The following SPECC1L variants were observed in gnomAD, a reference collection of about 807,000 sequenced individuals.
The protein encoded by SPECC1L is sperm antigen with calponin homology and coiled-coil domains 1 like, also known as cytospin-A.
SPECC1L carries 40 observed loss-of-function variants against 116.8 expected under a neutral mutation model. That is an observed-to-expected ratio of 0.34 (90% CI 0.27 to 0.45). SPECC1L has a LOEUF of 0.45. SPECC1L is among the 20% of genes least tolerant of loss of function. SPECC1L has a pLI of 1.00. For synonymous variants in SPECC1L, 504 were observed against 500.6 expected (o/e 1.01, Z -0.09); for missense variants, 1,110 against 1,373.6 (o/e 0.81, Z 3.03).
At position 24,364,109 on chromosome 22, in the gene SPECC1L, A is replaced by G. The variant is rs532119302; in HGVS notation, c.2827+765A>G. 3.9e-5 allele frequency among the ~76,000 whole-genome samples: 6 copies of G among 152,222 alleles called. No homozygotes were observed. The East Asian group carries it at 5.8e-4, about 15-fold the overall frequency. Reference sequence around the variant, plus strand: ...AACTTTGTCGACTATGTGACTTGTCACTGTGCTCAGCCCTGCGTTCTGATT... The same window carrying G: ...AACTTTGTCGACTATGTGACTTGTCGCTGTGCTCAGCCCTGCGTTCTGATT... On this transcript the variant is annotated intron_variant, in intron 12 of 16. Transcript: ENST00000314328.
intron 14 of SPECC1L, among the ~76,000 whole-genome samples, chr22:24,403,871 T>A (rs1193545931): frequency 6.6e-6 from 1 of 152,206 alleles, no homozygotes; most frequent in Non-Finnish European, 1.5e-5. Context: ...TCCCAGCTAC[T>A]TGAGCAGCTG....
chr22:24,408,522 G>T (rs1368763645), intron 14 of SPECC1L, among the ~76,000 whole-genome samples: 1 of 152,248 alleles, frequency 6.6e-6, no homozygotes, highest in Non-Finnish European at 1.5e-5. Flanking sequence ...GATGCCTGGT[G>T]GCACACATTT....
Position 24,302,278 on chromosome 22 carries a change from C to T in SPECC1L, c.47C>T (p.Ala16Val), listed in dbSNP as rs2049396958. 5.0e-6 allele frequency: 8 copies of T among 1,613,990 alleles called. No individual in the cohort carries two copies. The highest frequency in any genetic ancestry group is 1.1e-5 in the South Asian group (1 of 91,080). The change falls in exon 3 of 17, where the codon GCA becomes GTA. Residue 16 changes from alanine (A) to valine (V), a missense_variant. Transcript: ENST00000314328. ...GTTGGCTCAGTGCCTAAAGTGTCTG[C>T]AATAAGTAAAACGCAAACAGCAGAA... ...RSVGSVPKVS[A>V]ISKTQTAEKI...
chr22:24,345,371 G>T (rs566216232), intron 10 of SPECC1L, among the ~76,000 whole-genome samples: 1 of 152,210 alleles, frequency 6.6e-6, no homozygotes, highest in East Asian at 1.9e-4. Context: ...GAACATGAGA[G>T]AAAATCTTCA....
In SPECC1L at chr22:24,302,280, A is replaced by C. The variant is rs973517651; in HGVS notation, c.49A>C (p.Ile17Leu). 8 of 1,614,112 alleles carry C rather than the reference A, an allele frequency of 5.0e-6. No homozygotes were observed. Among genetic ancestry groups the C allele is most frequent in the Non-Finnish European group, 2.5e-6 (3 of 1,180,050 alleles). ...SVGSVPKVSA[I>L]SKTQTAEKIK... ...TGGCTCAGTGCCTAAAGTGTCTGCA[A>C]TAAGTAAAACGCAAACAGCAGAAAA... The change falls in exon 3 of 17, where the codon ATA becomes CTA. Residue 17 changes from isoleucine (I) to leucine (L), a missense_variant. Around this residue, in one of 4 missense-constraint regions of SPECC1L, gnomAD observed 437 missense variants for 482.6 expected, o/e 0.91. Coordinates refer to ENST00000314328, the MANE Select transcript of SPECC1L (RefSeq NM_015330.6).
chr22:24,293,279 C>T (rs1417106940), intron 2 of SPECC1L, among the ~76,000 whole-genome samples: 4 of 152,054 alleles, frequency 2.6e-5, no homozygotes, highest in Non-Finnish European at 5.9e-5. Context: ...CATAGTTAAA[C>T]CCGTCTCTAC....
intron 2 of SPECC1L, among the ~76,000 whole-genome samples, chr22:24,293,100 G>A (rs1447717694): frequency 1.3e-5 from 2 of 151,988 alleles, no homozygotes; most frequent in African/African-American, 4.8e-5. Context: ...GGAAAGAAGT[G>A]GGATGTTGCT....
intron 1 of SPECC1L, among the ~76,000 whole-genome samples, chr22:24,272,799 T>G (rs1034884841): frequency 3.3e-5 from 5 of 152,164 alleles, no homozygotes; most frequent in Non-Finnish European, 7.3e-5. Flanking sequence ...TAATCCAGTA[T>G]TTTTTTCCTC....
intron 14 of SPECC1L, among the ~76,000 whole-genome samples, chr22:24,383,792 ATTTTTTTTTTTTTTTTTTTTTTT>A (rs538972717): frequency 4.8e-4 from 37 of 77,338 alleles, no homozygotes; most frequent in South Asian, 2.8e-3. Context: ...ACCCACCACT[ATTTTTTTTTTTTTTTTTTTTTTT>A]TTTTTTTTTT....
intron 2 of SPECC1L, among the ~76,000 whole-genome samples, chr22:24,294,663 A>G (rs1241712490): frequency 2.0e-5 from 3 of 152,024 alleles, no homozygotes; most frequent in East Asian, 3.8e-4. Context: ...GATTAGAGGC[A>G]TGAGCCACTG....
At chr22:24,358,115 G>GT (rs531551339) in intron 11 of SPECC1L, among the ~76,000 whole-genome samples, 3,507 of 128,762 alleles carry the variant, frequency 0.027, 60 homozygotes, top group East Asian at 0.054. Context: ...GTTTTTTTTG[G>GT]TTTTTTTTTT....
intron 2 of SPECC1L, among the ~76,000 whole-genome samples, chr22:24,279,066 TC>T (rs2048891759): frequency 6.6e-6 from 1 of 152,224 alleles, no homozygotes; most frequent in Admixed American, 6.5e-5. Flanking sequence ...CGAGAGTACT[TC>T]GGGGGACGTG....
chr22:24,318,817 T>C (rs1601547060), intron 4 of SPECC1L, among the ~76,000 whole-genome samples: 1 of 151,700 alleles, frequency 6.6e-6, no homozygotes, highest in African/African-American at 2.4e-5. Flanking sequence ...TAGTCCTAGC[T>C]ACTCGGGTGG....
chr22:24,277,343 A>C (rs1408944665), intron 2 of SPECC1L, among the ~76,000 whole-genome samples: 2 of 152,240 alleles, frequency 1.3e-5, no homozygotes, highest in African/African-American at 4.8e-5. Flanking sequence ...TCATTTGCAA[A>C]TAAGCGTATA....
rs143037196 is a variant in SPECC1L at position 24,321,442 on chromosome 22, C to T, written c.462C>T (p.Ser154=). The T allele has an allele frequency of 1.9e-6, 3 of 1,614,136 alleles. No homozygotes were observed. The highest frequency in any genetic ancestry group is 2.7e-5 in the African/African-American group (2 of 74,954). ...GANDMALAKR[S]RSRTATECDV... ...ATGACATGGCATTGGCCAAACGTTC[C>T]CGCAGTCGAACTGCTACAGAATGTG... Residue 154 remains serine (S), a synonymous_variant, in exon 5 of 17, where the codon TCC becomes TCT. Transcript: ENST00000314328.
chr22:24,320,496 A>G (rs1052881508), intron 4 of SPECC1L, among the ~76,000 whole-genome samples: 5 of 152,212 alleles, frequency 3.3e-5, no homozygotes, highest in Non-Finnish European at 5.9e-5. Context: ...CAAAATCTGG[A>G]ACCAGACTGC....
At chr22:24,295,680 G>C (rs546185854) in intron 2 of SPECC1L, among the ~76,000 whole-genome samples, 1 of 152,212 alleles carries the variant, frequency 6.6e-6, no homozygotes, top group South Asian at 2.1e-4. Flanking sequence ...GGCCCGGCGC[G>C]GTGGCTCACA....
intron 4 of SPECC1L, among the ~76,000 whole-genome samples, chr22:24,313,897 C>T (rs2040508776): frequency 6.6e-6 from 1 of 151,970 alleles, no homozygotes; most frequent in African/African-American, 2.4e-5. Context: ...CGCCACCATG[C>T]CTGGCTAATT....
In SPECC1L at chr22:24,415,941, A is replaced by G. The variant is rs773296340; in HGVS notation, c.*1318A>G. ...TAACGCAGTAGCTATTGGTTTGAAC[A>G]ATGTCCAGACAAGACCTGTACCTTT... On this transcript the variant is annotated 3_prime_UTR_variant, in exon 17 of 17. Transcript: ENST00000314328. 3 of 152,256 alleles carry G rather than the reference A, an allele frequency of 2.0e-5. No individual in the cohort carries two copies. Among genetic ancestry groups the G allele is most frequent in the Admixed American group, 6.5e-5 (1 of 15,286 alleles). 9.4% of individuals were successfully genotyped at this position (152,256 alleles called of 1,614,324 possible).
Sources: gnomAD v4.1 joint callset for allele counts (sites outside exome capture counted in the v4.1 genomes callset) on GRCh38, gnomAD v4.1.1 for gene constraint, gnomAD v4.1.1 regional missense constraint, MANE v1.5 for transcripts, NCBI Gene and HGNC (gene_info 2026-07-23, HGNC 2026-07-21) for gene names.